Variants in NUP133 observed in about 807,000 individuals in gnomAD.
NUP133 encodes the protein nucleoporin 133, also known as nuclear pore complex protein Nup133.
NUP133 carries 66 observed loss-of-function variants against 146.2 expected under a neutral mutation model. The observed-to-expected ratio is 0.45, with a 90% CI of 0.37 to 0.55. The LOEUF is 0.55. Among genes scored for constraint, NUP133 ranks in the 20% least tolerant of loss-of-function variants. The pLI is 0.00. For synonymous variants in NUP133, 521 were observed against 498.8 expected (o/e 1.04, Z -0.59); for missense variants, 1,277 against 1,374.8 (o/e 0.93, Z 1.12).
intron 14 of NUP133, among the ~76,000 whole-genome samples, chr1:229,475,243 T>C (rs531209676): frequency 2.0e-5 from 3 of 152,346 alleles, no homozygotes; most frequent in Non-Finnish European, 2.9e-5. Flanking sequence ...TTCTGTCCAG[T>C]AGCAAAACAT....
rs764101306 is a variant in NUP133 at position 229,466,687 on chromosome 1, T to C, written c.2146A>G (p.Met716Val). The C allele has an allele frequency of 9.3e-6, 15 of 1,613,870 alleles. No homozygotes were observed. The highest frequency in any genetic ancestry group is 4.4e-5 in the South Asian group (4 of 91,086). The change falls in exon 16 of 26, where the codon ATG (methionine) becomes GTG (valine). Residue 716 changes from methionine (M) to valine (V), a missense_variant. Transcript: ENST00000261396. ...HEEQVLRDAP[M>V]DSIEWAEVVI... ...ACTTCAGCCCATTCAATGGAATCCA[T>C]AGGTGCATCCCTCAAGACTTGCTCC...
chr1:229,459,861 C>T lies in NUP133; in HGVS notation c.2844+750G>A, dbSNP rs541911269. Among the ~76,000 whole-genome samples, 4 of 152,254 alleles carry T rather than the reference C, an allele frequency of 2.6e-5. No individual in the cohort carries two copies. The South Asian group carries it at 8.3e-4, about 32-fold the overall frequency. On this transcript the variant is annotated intron_variant, in intron 20 of 25. Transcript: ENST00000261396. ...CCTTTTCAACATACTGACTTCAACT[C>T]CTCTGGATATATACTCACAAGCGGG...
intron 12 of NUP133, among the ~76,000 whole-genome samples, chr1:229,480,621 C>CT: frequency 6.6e-6 from 1 of 152,270 alleles, no homozygotes; most frequent in Middle Eastern, 3.4e-3. Flanking sequence ...CCCCAGGGGC[C>CT]ATCTGGCAAT....
chr1:229,470,302 A>G (rs973241200), intron 15 of NUP133, among the ~76,000 whole-genome samples: 4 of 151,660 alleles, frequency 2.6e-5, no homozygotes, highest in Non-Finnish European at 4.4e-5. Context: ...AAAAAAAAAA[A>G]GAAGATCAGC....
At chr1:229,471,115 T>G (rs552486198) in intron 14 of NUP133, among the ~76,000 whole-genome samples, 1 of 152,296 alleles carries the variant, frequency 6.6e-6, no homozygotes, top group South Asian at 2.1e-4. Context: ...ACAGTCACAC[T>G]GCTCTTTTCG....
chr1:229,460,818 C>T (rs74971830), intron 19 of NUP133, 49 bp from the exon 20 acceptor site: 36,178 of 1,502,622 alleles, frequency 0.024, 513 homozygotes, highest in Non-Finnish European at 0.028. Flanking sequence ...TAAAAAAACA[C>T]ATTTCTGATA....
intron 13 of NUP133, among the ~76,000 whole-genome samples, chr1:229,476,920 C>T (rs1429476197): frequency 1.5e-5 from 2 of 136,964 alleles, no homozygotes; most frequent in African/African-American, 3.3e-5. Context: ...TAAGGGAGAC[C>T]CTGTTTCCAA....
intron 14 of NUP133, among the ~76,000 whole-genome samples, chr1:229,472,529 A>T (rs896835727): frequency 6.6e-6 from 1 of 150,656 alleles, no homozygotes. Flanking sequence ...CAAAAAATAC[A>T]AAAAGTAGCT....
At position 229,502,075 on chromosome 1, in the gene NUP133, T is replaced by A; in HGVS notation, c.329A>T (p.Asp110Val). Reference sequence around the variant, plus strand: ...CACCAGACAAGCCCATCCACCTTCATCTATGTTAATGGTCAGCTGGTCATC... The same window carrying A: ...CACCAGACAAGCCCATCCACCTTCAACTATGTTAATGGTCAGCTGGTCATC... The part of the protein sequence containing the change: ...EVDDQLTINI[D>V]EGGWACLVCK... The change falls in exon 3 of 26, where the codon GAT (aspartate) becomes GTT (valine). Residue 110 changes from aspartate to valine, a missense_variant. Coordinates refer to ENST00000261396, the MANE Select transcript of NUP133 (RefSeq NM_018230.3). The A allele has an allele frequency of 6.2e-7, 1 of 1,613,902 alleles. No individual in the cohort carries two copies. The highest frequency in any genetic ancestry group is 1.1e-5 in the South Asian group (1 of 91,080).
chr1:229,499,599 C>T lies in NUP133; in HGVS notation c.648+85G>A, dbSNP rs530379379. ...GCCTGGGCAACATAAGGAGATCCCA[C>T]CTCTATTTAAAAATAAAAACAAAAA... On this transcript the variant is annotated intron_variant, in intron 5 of 25. Transcript: ENST00000261396. 1.1e-4 allele frequency: 150 copies of T among 1,413,714 alleles called. No individual in the cohort carries two copies. The African/African-American group carries it at 2.0e-3, about 19-fold the overall frequency. The allele number at this position is 1,413,714 out of a possible 1,614,324, so 87.6% of individuals were successfully genotyped here.
chr1:229,497,365 T>C (rs1333143789), intron 6 of NUP133, among the ~76,000 whole-genome samples: 2 of 152,200 alleles, frequency 1.3e-5, no homozygotes, highest in Non-Finnish European at 2.9e-5. Context: ...AAATGAGTTT[T>C]ATAGGGTTAA....
chr1:229,465,275 G>T (rs1660787071), intron 17 of NUP133, 145 bp downstream of exon 17: 1 of 663,614 alleles, frequency 1.5e-6, no homozygotes, highest in African/African-American at 1.8e-5. Flanking sequence ...GACGAATAAA[G>T]TGATTTTGAC....
intron 3 of NUP133, 88 bp from the exon 4 acceptor site, chr1:229,500,951 A>G (rs1661785522): frequency 1.4e-6 from 1 of 739,818 alleles, no homozygotes; most frequent in Non-Finnish European, 2.3e-6. Flanking sequence ...CATATTTTAG[A>G]TTCTGACTCA....
intron 17 of NUP133, 108 bp from the exon 18 acceptor site, chr1:229,464,983 C>A (rs1214177353): frequency 1.5e-6 from 2 of 1,316,028 alleles, no homozygotes; most frequent in East Asian, 4.7e-5. Flanking sequence ...TGGAAAATTA[C>A]ATTGAACAGG....
intron 18 of NUP133, among the ~76,000 whole-genome samples, chr1:229,464,262 A>C (rs1201697383): frequency 1.3e-5 from 2 of 152,176 alleles, no homozygotes; most frequent in Non-Finnish European, 2.9e-5. Context: ...CTGGAGTATA[A>C]TGTGTCCTTT....
rs1246569941 is a variant in NUP133, at chr1:229,441,687, A to C, written c.*217T>G. ...AGAAAGGGCACCGAGTACAGGAACA[A>C]CAACTGACACATTTCAGGTGGAAAA... is the stretch of plus-strand genomic sequence containing the variant. On this transcript the variant is annotated 3_prime_UTR_variant, in exon 26 of 26. Coordinates refer to ENST00000261396, the MANE Select transcript of NUP133 (RefSeq NM_018230.3). 2.2e-6 allele frequency: 1 copy of C among 449,106 alleles called. No homozygotes were observed. Among genetic ancestry groups the C allele is most frequent in the African/African-American group, 2.0e-5 (1 of 49,820 alleles). The allele number at this position is 449,106 out of a possible 1,614,324, so 27.8% of individuals were successfully genotyped here.
intron 14 of NUP133, among the ~76,000 whole-genome samples, chr1:229,471,140 G>C (rs1051443594): frequency 5.3e-5 from 8 of 152,104 alleles, no homozygotes; most frequent in African/African-American, 1.4e-4. Context: ...TTTTGAGACA[G>C]GGTTTTGCTC....
intron 16 of NUP133, among the ~76,000 whole-genome samples, chr1:229,466,095 A>G (rs530669442): frequency 6.6e-6 from 1 of 152,322 alleles, no homozygotes; most frequent in South Asian, 2.1e-4. Flanking sequence ...ATTAAATGGA[A>G]CGTTTTAGTC....
chr1:229,441,879 A>C lies in NUP133; in HGVS notation c.*25T>G. On this transcript the variant is annotated 3_prime_UTR_variant, in exon 26 of 26. Transcript: ENST00000261396. ...AAGGACACACTTATACAGATTTCATAAACAATGGCCATTTTTAGAAAAAGT... is the reference window on the plus strand; with the variant it reads ...AAGGACACACTTATACAGATTTCATCAACAATGGCCATTTTTAGAAAAAGT... 6.5e-7 allele frequency: 1 copy of C among 1,541,726 alleles called. No homozygotes were observed.
Sources: allele counts gnomAD v4.1 joint callset (sites outside exome capture counted in the v4.1 genomes callset), GRCh38; gene constraint gnomAD v4.1.1; transcripts MANE v1.5; gene names NCBI Gene and HGNC (gene_info 2026-07-23, HGNC 2026-07-21).